The following MSL3B variants were observed in gnomAD, a reference collection of about 807,000 sequenced individuals.
MSL3B encodes MSL complex subunit 3B, also known as MSL complex subunit 3 pseudogene 1.
chr2:233,868,151 C>T, the MSL3B span: 1 of 404,008 alleles, frequency 2.5e-6, no homozygotes. Context: ...ATCCCAGCTT[C>T]AGTTCCAACC....
the MSL3B span, chr2:233,866,339 G>A: frequency 2.6e-5 from 21 of 811,938 alleles, no homozygotes; most frequent in Non-Finnish European, 1.8e-5. Flanking sequence ...CAAATGTTGC[G>A]CCCCGTAAAT....
At chr2:233,866,314 GACAA>G in the MSL3B span, 14 of 796,894 alleles carry the variant, frequency 1.8e-5, no homozygotes, top group Non-Finnish European at 2.7e-5. Flanking sequence ...CTGGAAGTTT[GACAA>G]ACAATCGCAG....
At chr2:233,867,266 A>AT in the MSL3B span, 10 of 750,566 alleles carry the variant, frequency 1.3e-5, no homozygotes, top group African/African-American at 5.3e-5. Flanking sequence ...TTCTTCACTT[A>AT]TTTTTTCATC....
chr2:233,865,430 A>G, the MSL3B span: 9,593 of 152,242 alleles, frequency 0.063, 380 homozygotes, highest in Middle Eastern at 0.12. Context: ...TTATGACTCC[A>G]AGTTAATTTT....
At chr2:233,867,789 ATTT>A in the MSL3B span, among the ~76,000 whole-genome samples, 4 of 72,806 alleles carry the variant, frequency 5.5e-5, no homozygotes, top group African/African-American at 9.1e-5. Flanking sequence ...CTAATCTACG[ATTT>A]TTTTTTTTTT....
the MSL3B span, chr2:233,867,304 G>A: frequency 1.4e-6 from 1 of 708,508 alleles, no homozygotes; most frequent in South Asian, 1.6e-5. Flanking sequence ...CAGAGGAACT[G>A]CTTAATGAGT....
the MSL3B span, among the ~76,000 whole-genome samples, chr2:233,867,679 T>C: frequency 6.6e-6 from 1 of 151,908 alleles, no homozygotes; most frequent in Non-Finnish European, 1.5e-5. Flanking sequence ...GGTTTCACCA[T>C]GTTGGCCAGG....
chr2:233,866,751 A>G, the MSL3B span: 1 of 802,468 alleles, frequency 1.2e-6, no homozygotes, highest in South Asian at 1.3e-5. Context: ...GATGGATTCA[A>G]CAAACGTAAG....
At chr2:233,868,116 G>A in the MSL3B span, 1 of 338,504 alleles carries the variant, frequency 3.0e-6, no homozygotes, top group Non-Finnish European at 6.2e-6. Context: ...GGCTCACGAA[G>A]CACATGATCT....
At chr2:233,868,264 C>T in the MSL3B span, 41 of 359,222 alleles carry the variant, frequency 1.1e-4, 1 homozygote, top group East Asian at 3.6e-3. Context: ...GAGCGTCCCA[C>T]GGGAGCCTAC....
the MSL3B span, chr2:233,866,362 A>T: frequency 1.2e-6 from 1 of 855,000 alleles, no homozygotes; most frequent in Non-Finnish European, 2.0e-6. Context: ...AAGAGGGTGG[A>T]GGTGGCTGGT....
chr2:233,865,686 A>G, the MSL3B span: 1 of 155,266 alleles, frequency 6.4e-6, no homozygotes, highest in Non-Finnish European at 1.4e-5. Flanking sequence ...TGCAGTTTTC[A>G]AGTACAAACT....
At chr2:233,865,110 T>A in the MSL3B span, among the ~76,000 whole-genome samples, 1 of 152,244 alleles carries the variant, frequency 6.6e-6, no homozygotes, top group African/African-American at 2.4e-5. Flanking sequence ...TGAAATCTTT[T>A]CTGTTTTCTC....
the MSL3B span, chr2:233,865,887 T>C: frequency 1.2e-4 from 36 of 305,450 alleles, no homozygotes; most frequent in Non-Finnish European, 2.1e-4. Context: ...TTACCTGCCA[T>C]CACAGATGGC....
chr2:233,866,327 A>G, the MSL3B span: 3 of 806,942 alleles, frequency 3.7e-6, no homozygotes, highest in South Asian at 2.7e-5. Flanking sequence ...AAACAATCGC[A>G]GCAAATGTTG....
chr2:233,867,568 C>G, the MSL3B span: 1 of 223,258 alleles, frequency 4.5e-6, no homozygotes, highest in Non-Finnish European at 8.8e-6. Context: ...CTCCGCCTCC[C>G]GGGTTCAAGT....
chr2:233,867,053 A>C, the MSL3B span: 1 of 1,227,720 alleles, frequency 8.1e-7, no homozygotes, highest in Non-Finnish European at 1.2e-6. Flanking sequence ...AAAATGCTTC[A>C]CATAGGATTC....
At chr2:233,866,361 G>C in the MSL3B span, 2 of 853,768 alleles carry the variant, frequency 2.3e-6, no homozygotes, top group Non-Finnish European at 4.1e-6. Flanking sequence ...TAAGAGGGTG[G>C]AGGTGGCTGG....
chr2:233,866,756 CG>C, the MSL3B span: 4 of 804,824 alleles, frequency 5.0e-6, no homozygotes, highest in East Asian at 7.3e-5. Context: ...ATTCAACAAA[CG>C]TAAGCTGGGA....
Sources: allele counts gnomAD v4.1 joint callset (sites outside exome capture counted in the v4.1 genomes callset), GRCh38; gene constraint gnomAD v4.1.1; transcripts MANE v1.5; gene names NCBI Gene and HGNC (gene_info 2026-07-23, HGNC 2026-07-21).